DHX36: variants seen among roughly 807,000 people sequenced by gnomAD.
DHX36 encodes DEAH-box helicase 36.
In DHX36, 50 loss-of-function variants were observed where a neutral mutation model predicts 139.0. The observed-to-expected ratio is 0.36, with a 90% CI of 0.29 to 0.46. DHX36 has a LOEUF of 0.46. Ranked by LOEUF, DHX36 falls within the 20% of genes least tolerant of loss-of-function variation. The pLI, the probability that DHX36 is intolerant of heterozygous loss-of-function variation, is 1.00. For synonymous variants in DHX36, 425 were observed against 401.9 expected (o/e 1.06, Z -0.69); for missense variants, 1,024 against 1,211.3 (o/e 0.85, Z 2.29).
rs752059543 is a variant in DHX36, at chr3:154,300,578, G to C, written c.1461+16C>G. ...ATTAAAATTATGTTAACTGAAGAAA[G>C]AAAAATAAAACTAACCTCTTCTTCC... On this transcript the variant is annotated intron_variant, in intron 11 of 24. Transcript: ENST00000496811. The C allele has an allele frequency of 1.9e-6, 3 of 1,594,948 alleles. No individual in the cohort carries two copies. The highest frequency in any genetic ancestry group is 2.7e-5 in the African/African-American group (2 of 74,098).
intron 16 of DHX36, 74 bp from the exon 17 acceptor site, chr3:154,289,038 G>A: frequency 1.6e-6 from 1 of 612,324 alleles, no homozygotes; most frequent in Non-Finnish European, 2.6e-6. Context: ...GTCCTACCTG[G>A]GCTGATGACT....
At chr3:154,320,760 C>T (rs1319896415) in intron 1 of DHX36, among the ~76,000 whole-genome samples, 2 of 152,092 alleles carry the variant, frequency 1.3e-5, no homozygotes, top group Non-Finnish European at 2.9e-5. Context: ...TTTAATCTGT[C>T]CACTCCCCTC....
At chr3:154,323,377 T>C (rs1713273068) in intron 1 of DHX36, among the ~76,000 whole-genome samples, 1 of 152,244 alleles carries the variant, frequency 6.6e-6, no homozygotes, top group Non-Finnish European at 1.5e-5. Context: ...AATTACACTC[T>C]ATAATACATT....
chr3:154,301,245 G>A lies in DHX36; in HGVS notation c.1218-118C>T, dbSNP rs1712264553. ...GGATTCCAAAGAACATTTTCATTAT[G>A]CTTTCAAGTGAATGCTAGCTAAAAT... On this transcript the variant is annotated intron_variant, in intron 9 of 24. Transcript: ENST00000496811. 17 of 978,334 alleles carry A rather than the reference G, an allele frequency of 1.7e-5. No homozygotes were observed. In the South Asian group the frequency reaches 3.1e-4, roughly 18 times the overall value. The allele number at this position is 978,334 out of a possible 1,614,324, so 60.6% of individuals were successfully genotyped here.
At chr3:154,319,935 T>C (rs1198582596) in intron 1 of DHX36, among the ~76,000 whole-genome samples, 3 of 152,188 alleles carry the variant, frequency 2.0e-5, no homozygotes, top group Admixed American at 6.5e-5. Flanking sequence ...TTCTTCCTCA[T>C]CTTCACAGCA....
intron 12 of DHX36, among the ~76,000 whole-genome samples, chr3:154,298,236 A>G (rs979739549): frequency 2.0e-5 from 3 of 152,198 alleles, no homozygotes; most frequent in Non-Finnish European, 4.4e-5. Context: ...TGATAACGTT[A>G]TATTTTGGTA....
At chr3:154,277,881 AT>A (rs1243974925) in intron 22 of DHX36, 163 bp from the exon 23 acceptor site, 4 of 530,534 alleles carry the variant, frequency 7.5e-6, no homozygotes, top group South Asian at 5.5e-5. Context: ...TTGCAAAAAA[AT>A]ATATTTATAT....
rs578249707 is a variant in DHX36 at position 154,292,793 on chromosome 3, T to C, written c.1671-99A>G. ...GCACTATTAACCTATAAAAGACCAA[T>C]AAATAGGTATTTCAGAGCATTTTTT... On this transcript the variant is annotated intron_variant, in intron 14 of 24. Transcript: ENST00000496811. The C allele has an allele frequency of 2.0e-5, 29 of 1,480,956 alleles. No individual in the cohort carries two copies. The South Asian group carries it at 4.0e-4, about 20-fold the overall frequency. 91.7% of individuals were successfully genotyped at this position (1,480,956 alleles called of 1,614,324 possible).
At chr3:154,300,162 G>A (rs369251863) in intron 11 of DHX36, among the ~76,000 whole-genome samples, 1 of 152,042 alleles carries the variant, frequency 6.6e-6, no homozygotes, top group East Asian at 1.9e-4. Flanking sequence ...TCTGCCTCCT[G>A]GGTTCAAGTG....
chr3:154,316,117 T>C lies in DHX36; in HGVS notation c.290A>G (p.Gln97Arg), dbSNP rs747055754. 1 of 1,613,392 alleles carries C rather than the reference T, an allele frequency of 6.2e-7. No individual in the cohort carries two copies. The highest frequency in any genetic ancestry group is 8.5e-7 in the Non-Finnish European group (1 of 1,179,558). Residue 97 changes from glutamine to arginine, a missense_variant, in exon 2 of 25, where the codon CAG becomes CGG. Gln to Arg is a conservative substitution (Grantham distance 43, BLOSUM62 1). This residue lies in a region of DHX36 where 293 missense variants were observed against 274.4 expected (regional missense o/e 1.07). Coordinates refer to ENST00000496811, the MANE Select transcript of DHX36 (RefSeq NM_020865.3). ...MDERREEQIV[Q>R]LLNSVQAKND... Reference sequence around the variant, plus strand: ...CTTCGCTTGAACAGAATTCAGTAACTGTACAATTTGTTCTTCTCGTCGTTC... The same window carrying C: ...CTTCGCTTGAACAGAATTCAGTAACCGTACAATTTGTTCTTCTCGTCGTTC...
At chr3:154,307,449 G>A (rs1053816919) in intron 5 of DHX36, among the ~76,000 whole-genome samples, 9 of 151,888 alleles carry the variant, frequency 5.9e-5, no homozygotes, top group Non-Finnish European at 1.2e-4. Context: ...TTAAAAGGAG[G>A]GCAAAAGACA....
intron 17 of DHX36, among the ~76,000 whole-genome samples, chr3:154,286,164 A>C: frequency 2.1e-5 from 2 of 95,278 alleles, no homozygotes; most frequent in Non-Finnish European, 4.2e-5. Flanking sequence ...GCTTCCACAC[A>C]CCAAAAAAAA....
At chr3:154,299,277 A>T (rs1262073401) in intron 12 of DHX36, among the ~76,000 whole-genome samples, 1 of 152,194 alleles carries the variant, frequency 6.6e-6, no homozygotes. Context: ...ATCTCAAAAT[A>T]AAAAAATTAT....
chr3:154,314,975 C>T (rs961977484), intron 3 of DHX36, 71 bp downstream of exon 3: 26 of 1,069,842 alleles, frequency 2.4e-5, no homozygotes, highest in Middle Eastern at 3.0e-4. Flanking sequence ...GCAGCTACCT[C>T]TAACCATACA....
chr3:154,306,294 A>G lies in DHX36; in HGVS notation c.815T>C (p.Val272Ala). The change falls in exon 6 of 25, where the codon GTT (valine) becomes GCT (alanine). Residue 272 changes from valine to alanine, a missense_variant and splice_region_variant. Physicochemically the swap from Val to Ala is moderately conservative, Grantham distance 64. This residue lies in a region of DHX36 where 146 missense variants were observed against 215.0 expected (regional missense o/e 0.68). Coordinates refer to ENST00000496811, the MANE Select transcript of DHX36 (RefSeq NM_020865.3). ...TQPRRISAIS[V>A]AERVAAERAE... ...CCTTTCTGCAGCTACTCTTTCCGCA[A>G]CCTTTAATTCAAATAAAACATAAAG... The G allele has an allele frequency of 6.2e-7, 1 of 1,611,878 alleles. No homozygotes were observed. The highest frequency in any genetic ancestry group is 8.5e-7 in the Non-Finnish European group (1 of 1,178,336).
intron 3 of DHX36, among the ~76,000 whole-genome samples, chr3:154,312,853 AT>A (rs1313330266): frequency 0.044 from 75 of 1,696 alleles, 1 homozygote; most frequent in Non-Finnish European, 0.077. Flanking sequence ...AATAATTAAA[AT>A]ATATATATAT....
At chr3:154,282,911 T>C (rs1719374503) in intron 20 of DHX36, among the ~76,000 whole-genome samples, 1 of 152,160 alleles carries the variant, frequency 6.6e-6, no homozygotes, top group African/African-American at 2.4e-5. Flanking sequence ...TAGCAAAAAT[T>C]CTCAGTTTGA....
At chr3:154,281,699 T>C (rs1719341201) in intron 20 of DHX36, among the ~76,000 whole-genome samples, 1 of 152,152 alleles carries the variant, frequency 6.6e-6, no homozygotes, top group Non-Finnish European at 1.5e-5. Flanking sequence ...TAAGTATATA[T>C]CCCTTTTATG....
Position 154,309,715 on chromosome 3 carries a change from T to C in DHX36, c.751A>G (p.Arg251Gly). ...ATTCTGCAAGCAGATCCTTTTCCTC[T>C]TTCAATGTAGTTATCCAAAATGAAC... ...TQFILDNYIERGKGSACRIVC... is the reference protein window; with the variant it reads ...TQFILDNYIEGGKGSACRIVC... The change falls in exon 5 of 25, where the codon AGA becomes GGA. Residue 251 changes from arginine to glycine, a missense_variant. Transcript: ENST00000496811. 1 of 1,613,490 alleles carries C rather than the reference T, an allele frequency of 6.2e-7. No homozygotes were observed. The highest frequency in any genetic ancestry group is 1.7e-4 in the Middle Eastern group (1 of 6,056).
Sources: gnomAD v4.1 joint callset for allele counts (sites outside exome capture counted in the v4.1 genomes callset) on GRCh38, gnomAD v4.1.1 for gene constraint, gnomAD v4.1.1 regional missense constraint, MANE v1.5 for transcripts, NCBI Gene and HGNC (gene_info 2026-07-23, HGNC 2026-07-21) for gene names.